The following ANKRD30B variants were observed in gnomAD, a reference collection of about 807,000 sequenced individuals.
ANKRD30B encodes ankyrin repeat domain-containing protein 30B.
ANKRD30B carries 144 observed loss-of-function variants against 202.2 expected under a neutral mutation model. That is an observed-to-expected ratio of 0.71 (90% CI 0.62 to 0.82). The LOEUF (loss-of-function observed/expected upper bound fraction) is 0.82. Among genes scored for constraint, ANKRD30B ranks in the 40% least tolerant of loss-of-function variants. The pLI is 0.00. For missense variants in ANKRD30B, 1,487 were observed against 1,669.1 expected (o/e 0.89, Z 1.90); for synonymous variants, 508 against 561.3 (o/e 0.91, Z 1.34).
intron 41 of ANKRD30B, 91 bp from the exon 42 acceptor site, chr18:14,851,418 T>C: frequency 2.2e-6 from 3 of 1,339,148 alleles, no homozygotes; most frequent in Non-Finnish European, 3.0e-6. Context: ...CCTTTCATTG[T>C]ATAAACGTAC....
At chr18:14,831,192 A>AAAAAAAAAAAC (rs1970916375) in intron 33 of ANKRD30B, among the ~76,000 whole-genome samples, 191 bp from the exon 34 acceptor site, 2 of 150,916 alleles carry the variant, frequency 1.3e-5, no homozygotes, top group Non-Finnish European at 3.0e-5. Context: ...AAAAAAAAAA[A>AAAAAAAAAAAC]AAAAAAAACG....
intron 30 of ANKRD30B, among the ~76,000 whole-genome samples, chr18:14,820,232 A>T (rs1022327389): frequency 5.3e-5 from 8 of 152,154 alleles, no homozygotes; most frequent in African/African-American, 1.9e-4. Context: ...GACTTTGCTG[A>T]ATTTGCTTAT....
In ANKRD30B at chr18:14,774,996, G is replaced by A. The variant is rs543880633; in HGVS notation, c.1329+2768G>A. Among the ~76,000 whole-genome samples, 8 of 152,098 alleles carry A rather than the reference G, an allele frequency of 5.3e-5. No individual in the cohort carries two copies. The South Asian group carries it at 6.2e-4, about 12-fold the overall frequency. ...CAACAAAGTAGACGGGCGTGGTGGC[G>A]GGCGCCTGTAGTCCCAGCTACTCGG... On this transcript the variant is annotated intron_variant, in intron 9 of 43. Transcript: ENST00000690538.
At chr18:14,753,433 A>T (rs967991799) in intron 3 of ANKRD30B, among the ~76,000 whole-genome samples, 1 of 152,140 alleles carries the variant, frequency 6.6e-6, no homozygotes, top group Non-Finnish European at 1.5e-5. Context: ...TGGTATGCTA[A>T]GAGAACGTTC....
intron 34 of ANKRD30B, 137 bp downstream of exon 34, chr18:14,831,592 T>G: frequency 1.9e-6 from 1 of 528,174 alleles, no homozygotes; most frequent in African/African-American, 2.0e-5. Context: ...AAAAACATTT[T>G]ATAGAAATAT....
At chr18:14,911,312 G>A in the ANKRD30B span, among the ~76,000 whole-genome samples, 1 of 152,034 alleles carries the variant, frequency 6.6e-6, no homozygotes, top group Non-Finnish European at 1.5e-5. Context: ...ATGGTGAGAG[G>A]TAAGGGTACA....
At chr18:14,835,602 A>G (rs920689370) in intron 34 of ANKRD30B, among the ~76,000 whole-genome samples, 2 of 151,562 alleles carry the variant, frequency 1.3e-5, no homozygotes, top group African/African-American at 4.8e-5. Flanking sequence ...CTTGACAATC[A>G]TAGATATATG....
the ANKRD30B span, among the ~76,000 whole-genome samples, chr18:14,932,873 C>T: frequency 6.6e-6 from 1 of 152,068 alleles, no homozygotes; most frequent in African/African-American, 2.4e-5. Context: ...TTCTTAAGAA[C>T]GTATTTGGAA....
chr18:14,829,277 T>C (rs1414187099), intron 33 of ANKRD30B, among the ~76,000 whole-genome samples: 1 of 152,184 alleles, frequency 6.6e-6, no homozygotes, highest in Non-Finnish European at 1.5e-5. Flanking sequence ...AAATTGTTGT[T>C]CACATGGAGA....
intron 4 of ANKRD30B, 122 bp from the exon 5 acceptor site, chr18:14,757,693 G>A (rs142002676): frequency 9.2e-7 from 1 of 1,084,904 alleles, no homozygotes; most frequent in East Asian, 2.8e-5. Flanking sequence ...GATTTGCAAG[G>A]ATAAACACTT....
chr18:14,782,201 A>AT (rs2143860738), intron 11 of ANKRD30B, among the ~76,000 whole-genome samples: 1 of 152,124 alleles, frequency 6.6e-6, no homozygotes, highest in South Asian at 2.1e-4. Flanking sequence ...TGCTTTCTTG[A>AT]TTTTTTGGTG....
intron 6 of ANKRD30B, among the ~76,000 whole-genome samples, chr18:14,761,652 C>T (rs1915280427): frequency 6.6e-6 from 1 of 152,222 alleles, no homozygotes; most frequent in Non-Finnish European, 1.5e-5. Flanking sequence ...ATAATGTCAT[C>T]TTAAAATGTT....
intron 14 of ANKRD30B, among the ~76,000 whole-genome samples, chr18:14,786,095 G>A (rs1288270114): frequency 1.5e-4 from 22 of 144,270 alleles, no homozygotes; most frequent in Non-Finnish European, 2.3e-4. Context: ...GATAGATGTC[G>A]AATGATAAAT....
In ANKRD30B at chr18:14,808,404, T is replaced by C. The variant is rs773886309; in HGVS notation, c.2285-147T>C. On this transcript the variant is annotated intron_variant, in intron 24 of 43. Transcript: ENST00000690538. ...TCTGTCCCATTGGCATGTTAACAAATACAAAAACCCAAAAGACCCCAAAAC... is the reference window on the plus strand; with the variant it reads ...TCTGTCCCATTGGCATGTTAACAAACACAAAAACCCAAAAGACCCCAAAAC... 18 of 852,760 alleles carry C rather than the reference T, an allele frequency of 2.1e-5. 2 individuals carry two copies. The South Asian group carries it at 2.5e-4, about 12-fold the overall frequency. 52.8% of individuals were successfully genotyped at this position (852,760 alleles called of 1,614,324 possible). A position where few individuals can be genotyped will look rare whatever the true frequency, so the allele number is the denominator to read the frequency against.
Position 14,772,180 on chromosome 18 carries a change from A to G in ANKRD30B, c.1281A>G (p.Glu427=). 8 of 1,505,342 alleles carry G rather than the reference A, an allele frequency of 5.3e-6. No individual in the cohort carries two copies. The highest frequency in any genetic ancestry group is 7.1e-6 in the Non-Finnish European group (8 of 1,119,334). 93.2% of individuals were successfully genotyped at this position (1,505,342 alleles called of 1,614,324 possible). A position where few individuals can be genotyped will look rare whatever the true frequency, so the allele number is the denominator to read the frequency against. The change falls in exon 9 of 44, where the codon GAA becomes GAG. Residue 427 remains glutamate (E), a synonymous_variant. Transcript: ENST00000690538. ...GTCTTTTTGGCACACGGACTATTGA[A>G]AATTCACAGTGTACAAAAGTTGAGG... ...IFSLFGTRTI[E]NSQCTKVEED... is the part of the protein sequence containing the mutation.
At chr18:14,906,979 T>A in the ANKRD30B span, among the ~76,000 whole-genome samples, 1 of 152,132 alleles carries the variant, frequency 6.6e-6, no homozygotes, top group African/African-American at 2.4e-5. Context: ...GGCTATTGGT[T>A]AAGTTCATAT....
the ANKRD30B span, among the ~76,000 whole-genome samples, chr18:14,923,665 A>G: frequency 6.6e-6 from 1 of 152,214 alleles, no homozygotes; most frequent in Non-Finnish European, 1.5e-5. Context: ...GCAACAAGGT[A>G]CCCAAGTAGG....
intron 40 of ANKRD30B, among the ~76,000 whole-genome samples, chr18:14,849,774 C>T (rs1971805975): frequency 6.6e-6 from 1 of 151,384 alleles, no homozygotes; most frequent in South Asian, 2.1e-4. Context: ...GGATATTTGC[C>T]ATATTTTATA....
chr18:14,914,494 T>C, the ANKRD30B span, among the ~76,000 whole-genome samples: 1 of 152,192 alleles, frequency 6.6e-6, no homozygotes, highest in African/African-American at 2.4e-5. Flanking sequence ...AGATAACTGA[T>C]GGAAAGATTG....
Sources: allele counts gnomAD v4.1 joint callset (sites outside exome capture counted in the v4.1 genomes callset), GRCh38; gene constraint gnomAD v4.1.1; transcripts MANE v1.5; gene names NCBI Gene and HGNC (gene_info 2026-07-23, HGNC 2026-07-21).